Variants in APLP2 observed in about 807,000 individuals in gnomAD.
APLP2 encodes the protein CDEI box-binding protein.
APLP2 carries 53 observed loss-of-function variants against 89.9 expected under a neutral mutation model. The observed-to-expected ratio is 0.59, with a 90% CI of 0.47 to 0.74. APLP2 has a LOEUF of 0.74. APLP2 is among the 30% of genes least tolerant of loss of function. The probability of loss-of-function intolerance (pLI) is 0.00; values close to 1 mark genes in which losing one functional copy is unlikely to be tolerated. For missense variants in APLP2, 973 were observed against 975.9 expected (o/e 1.00, Z 0.04); for synonymous variants, 372 against 348.6 (o/e 1.07, Z -0.75).
At chr11:130,124,174 T>C (rs187879682) in intron 7 of APLP2, among the ~76,000 whole-genome samples, 203 of 152,252 alleles carry the variant, frequency 1.3e-3, no homozygotes, top group African/African-American at 4.8e-3. Flanking sequence ...AACATTCCTG[T>C]CTTTGAACTG....
Position 130,133,615 on chromosome 11 carries a change from A to G in APLP2, c.1585-14A>G. 6.2e-7 allele frequency: 1 copy of G among 1,604,970 alleles called. No individual in the cohort carries two copies. The highest frequency in any genetic ancestry group is 8.5e-7 in the Non-Finnish European group (1 of 1,171,694). On this transcript the variant is annotated splice_polypyrimidine_tract_variant and intron_variant, in intron 11 of 16. Transcript: ENST00000338167. ...TTCAGTCACAACACCTCTCCACCAT[A>G]ACTCTGCTTCCAGGTGATGACACAT... is the stretch of plus-strand genomic sequence containing the variant.
chr11:130,109,699 C>G, intron 2 of APLP2, 97 bp downstream of exon 2: 2 of 1,344,174 alleles, frequency 1.5e-6, no homozygotes, highest in Non-Finnish European at 2.0e-6. Flanking sequence ...CTCTTTTGAC[C>G]TAAGACCAAG....
At chr11:130,119,271 C>T (rs1327249774) in intron 3 of APLP2, among the ~76,000 whole-genome samples, 4 of 152,164 alleles carry the variant, frequency 2.6e-5, no homozygotes, top group African/African-American at 7.2e-5. Context: ...GCACCCTTCT[C>T]GCCCTCTCTT....
At chr11:130,110,307 T>C (rs1036375250) in intron 2 of APLP2, among the ~76,000 whole-genome samples, 4 of 152,252 alleles carry the variant, frequency 2.6e-5, no homozygotes, top group African/African-American at 9.6e-5. Flanking sequence ...TAAATACATA[T>C]CCCTTTTGAA....
At position 130,130,050 on chromosome 11, in the gene APLP2, C is replaced by T; in HGVS notation, c.1468C>T (p.Leu490Phe). 1 of 1,614,228 alleles carries T rather than the reference C, an allele frequency of 6.2e-7. No homozygotes were observed. The change falls in exon 11 of 17, where the codon CTC (leucine) becomes TTC (phenylalanine). Residue 490 changes from leucine to phenylalanine, a missense_variant. Transcript: ENST00000338167. ...TTCTCTCTTGCAGCCTCATCGCATTCTCCAGGCCTTACGGCGTTATGTCCG... is the reference window on the plus strand; with the variant it reads ...TTCTCTCTTGCAGCCTCATCGCATTTTCCAGGCCTTACGGCGTTATGTCCG... Reference protein sequence around the residue: ...QSDPPRPHRILQALRRYVRAE... With the variant: ...QSDPPRPHRIFQALRRYVRAE...
intron 1 of APLP2, among the ~76,000 whole-genome samples, chr11:130,089,204 C>T (rs1591774051): frequency 6.6e-6 from 1 of 152,340 alleles, no homozygotes; most frequent in South Asian, 2.1e-4. Context: ...CACACTGCTC[C>T]TGCCTTTGTT....
intron 3 of APLP2, among the ~76,000 whole-genome samples, chr11:130,116,927 C>G (rs12281068): frequency 0.064 from 9,705 of 151,966 alleles, 1,032 homozygotes; most frequent in African/African-American, 0.22. Context: ...ATCAGGAGTT[C>G]AAGACCAGCC....
rs147726545 is a variant in APLP2 at position 130,110,661 on chromosome 11, G to A, written c.403G>A (p.Val135Met). 6.8e-6 allele frequency: 11 copies of A among 1,608,498 alleles called. No homozygotes were observed. The highest frequency in any genetic ancestry group is 4.0e-5 in the African/African-American group (3 of 74,290). Residue 135 changes from valine (V) to methionine (M), a missense_variant and splice_region_variant, in exon 3 of 17, where the codon GTG becomes ATG. Coordinates refer to ENST00000338167, the MANE Select transcript of APLP2 (RefSeq NM_001142276.2). ...CTTTGTTACACCTTTCAAGTGTCTC[G>A]GTGAGTGTTCTTGGTTACTTTTCAG... ...SRFVTPFKCLVGEFVSDVLLV... is the reference protein window; with the variant it reads ...SRFVTPFKCLMGEFVSDVLLV...
intron 1 of APLP2, among the ~76,000 whole-genome samples, chr11:130,088,778 A>G (rs78107049): frequency 0.058 from 8,841 of 152,070 alleles, 856 homozygotes; most frequent in African/African-American, 0.2. Flanking sequence ...TAGACTCCCA[A>G]CTTATAATAT....
At chr11:130,071,356 A>G (rs775555110) in intron 1 of APLP2, among the ~76,000 whole-genome samples, 5 of 152,226 alleles carry the variant, frequency 3.3e-5, no homozygotes, top group Non-Finnish European at 5.9e-5. Context: ...CTGTGAGGGT[A>G]AGAAAGGAGT....
At chr11:130,083,524 A>G (rs1591765667) in intron 1 of APLP2, among the ~76,000 whole-genome samples, 1 of 152,326 alleles carries the variant, frequency 6.6e-6, no homozygotes, top group Non-Finnish European at 1.5e-5. Flanking sequence ...TGTGTCAGTG[A>G]CAGTTCTGTG....
chr11:130,126,638 T>G, intron 7 of APLP2, 62 bp from the exon 8 acceptor site: 2 of 1,595,786 alleles, frequency 1.3e-6, no homozygotes, highest in Non-Finnish European at 1.7e-6. Flanking sequence ...TGAGCTGGGT[T>G]TTCTTCCTAG....
chr11:130,082,759 G>T, intron 1 of APLP2: 1 of 234,646 alleles, frequency 4.3e-6, no homozygotes, highest in South Asian at 4.7e-5. Context: ...TGTATTGTAG[G>T]AAAGCCTGTG....
chr11:130,099,648 A>G (rs1946646797), intron 1 of APLP2, among the ~76,000 whole-genome samples: 1 of 152,200 alleles, frequency 6.6e-6, no homozygotes, highest in Non-Finnish European at 1.5e-5. Context: ...ATTCCCACAA[A>G]ATATGAAGCA....
intron 1 of APLP2, among the ~76,000 whole-genome samples, chr11:130,080,416 G>T (rs1190428744): frequency 6.6e-6 from 1 of 151,966 alleles, no homozygotes; most frequent in East Asian, 1.9e-4. Context: ...TGTTGGCCAG[G>T]CTGGTCTCAA....
intron 1 of APLP2, among the ~76,000 whole-genome samples, chr11:130,083,715 T>C (rs2135440486): frequency 6.6e-6 from 1 of 152,320 alleles, no homozygotes; most frequent in Middle Eastern, 3.4e-3. Flanking sequence ...ATATTTTCCT[T>C]ATCCATTCAT....
intron 1 of APLP2, among the ~76,000 whole-genome samples, chr11:130,076,888 C>G (rs1481280735): frequency 2.0e-5 from 3 of 152,166 alleles, no homozygotes; most frequent in Non-Finnish European, 4.4e-5. Context: ...CAAGCCTTGG[C>G]AAGGGGAATG....
At chr11:130,121,369 C>T (rs1180192501) in intron 4 of APLP2, among the ~76,000 whole-genome samples, 3 of 152,156 alleles carry the variant, frequency 2.0e-5, no homozygotes, top group African/African-American at 4.8e-5. Context: ...CTCTTCCTGA[C>T]TTTTTTCCAC....
In APLP2 at chr11:130,121,723, T is replaced by C. The variant is rs370107772; in HGVS notation, c.626T>C (p.Ile209Thr). 5.0e-5 allele frequency: 80 copies of C among 1,614,028 alleles called. No homozygotes were observed. In the African/African-American group the frequency reaches 9.2e-4, roughly 19 times the overall value. ...GTGTGCTGCCCTCAGACAAAGATTATTGGATCTGTGTCAAAAGAAGAGGAA... is the reference window on the plus strand; with the variant it reads ...GTGTGCTGCCCTCAGACAAAGATTACTGGATCTGTGTCAAAAGAAGAGGAA... The part of the protein sequence containing the change: ...EYVCCPQTKI[I>T]GSVSKEEEEE... The change falls in exon 5 of 17, where the codon ATT (isoleucine) becomes ACT (threonine). Residue 209 changes from isoleucine to threonine, a missense_variant. Coordinates refer to ENST00000338167, the MANE Select transcript of APLP2 (RefSeq NM_001142276.2).
Sources: allele counts gnomAD v4.1 joint callset (sites outside exome capture counted in the v4.1 genomes callset), GRCh38; gene constraint gnomAD v4.1.1; transcripts MANE v1.5; gene names NCBI Gene and HGNC (gene_info 2026-07-23, HGNC 2026-07-21).